PARD3B: variants seen among roughly 807,000 people sequenced by gnomAD.
The protein encoded by PARD3B is partitioning defective 3 homolog B.
Under a neutral mutation model 130.2 loss-of-function variants are expected in PARD3B, and 103 were observed. That is an observed-to-expected ratio of 0.79 (90% CI 0.67 to 0.93). PARD3B has a LOEUF of 0.93. Ranked by LOEUF, PARD3B falls within the 40% of genes least tolerant of loss-of-function variation. The pLI is 0.00. For missense variants in PARD3B, 1,609 were observed against 1,499.2 expected (o/e 1.07, Z -1.21); for synonymous variants, 583 against 553.2 (o/e 1.05, Z -0.76).
At chr2:205,150,191 C>T (rs2033645395) in intron 10 of PARD3B, among the ~76,000 whole-genome samples, 1 of 150,768 alleles carries the variant, frequency 6.6e-6, no homozygotes, top group South Asian at 2.1e-4. Context: ...CAAGATTTCC[C>T]TTACTACGCC....
intron 10 of PARD3B, among the ~76,000 whole-genome samples, chr2:205,135,016 G>C (rs2032356505): frequency 6.6e-6 from 1 of 151,806 alleles, no homozygotes; most frequent in South Asian, 2.1e-4. Flanking sequence ...AGAGCTATGA[G>C]ATTTGGCCTC....
intron 3 of PARD3B, among the ~76,000 whole-genome samples, chr2:205,031,998 A>G (rs1459454423): frequency 6.6e-6 from 1 of 152,172 alleles, no homozygotes. Context: ...ATGTCTTCCC[A>G]GTATTAGTGA....
At position 205,590,789 on chromosome 2, in the gene PARD3B, G is replaced by A. The variant is rs951514808; in HGVS notation, c.3261-24667G>A. Among the ~76,000 whole-genome samples, 3 of 152,096 alleles carry A rather than the reference G, an allele frequency of 2.0e-5. No homozygotes were observed. Among genetic ancestry groups the A allele is most frequent in the Non-Finnish European group, 4.4e-5 (3 of 68,030 alleles). On this transcript the variant is annotated intron_variant, in intron 22 of 22. Transcript: ENST00000406610. The surrounding 1 kb of genome is among the most constrained non-coding windows in gnomAD (Gnocchi z 4.1). ...GTTGCCACATATTCACAAGAAGTAG[G>A]ATGAGTACCAAATCCCTAAAAAATG...
At chr2:204,992,988 T>C (rs2125247445) in intron 3 of PARD3B, among the ~76,000 whole-genome samples, 2 of 105,754 alleles carry the variant, frequency 1.9e-5, no homozygotes, top group African/African-American at 7.3e-5. Flanking sequence ...GCTGAGACGA[T>C]GGGGTTTTCT....
At position 205,230,385 on chromosome 2, in the gene PARD3B, C is replaced by T. The variant is rs2125892058; in HGVS notation, c.2141-15393C>T. 6.6e-6 allele frequency among the ~76,000 whole-genome samples: 1 copy of T among 152,298 alleles called. No homozygotes were observed. Among genetic ancestry groups the T allele is most frequent in the African/African-American group, 2.4e-5 (1 of 41,586 alleles). ...CAGGTCTGGGTTCTCCCCTTCAAAG[C>T]TGCGAGTTTCCTTCTGGCAGAGTGT... is the stretch of plus-strand genomic sequence containing the variant. On this transcript the variant is annotated intron_variant, in intron 15 of 22. Transcript: ENST00000406610. This position sits in a 1 kb window ranked among gnomAD's most constrained non-coding sequence, Gnocchi z 4.1.
Position 204,822,413 on chromosome 2 carries a change from C to T in PARD3B, c.222+136131C>T, listed in dbSNP as rs529185097. Among the ~76,000 whole-genome samples, 62 of 152,212 alleles carry T rather than the reference C, an allele frequency of 4.1e-4. 1 individual carries two copies. Among genetic ancestry groups the T allele is most frequent in the African/African-American group, 1.2e-3 (50 of 41,524 alleles). ...GCTATGAACATTGTTGAAATGACAA[C>T]GCAGGATTTAGAATATTTCATAAAC... On this transcript the variant is annotated intron_variant, in intron 2 of 22. Coordinates refer to ENST00000406610, the MANE Select transcript of PARD3B (RefSeq NM_001302769.2).
intron 1 of PARD3B, among the ~76,000 whole-genome samples, chr2:204,667,657 T>C (rs1224457875): frequency 6.6e-6 from 1 of 152,198 alleles, no homozygotes; most frequent in Non-Finnish European, 1.5e-5. Flanking sequence ...TTTGTGTGCA[T>C]GTGAATGTGT....
intron 3 of PARD3B, among the ~76,000 whole-genome samples, chr2:204,990,827 A>G (rs1014765914): frequency 3.3e-5 from 5 of 152,194 alleles, no homozygotes; most frequent in Admixed American, 3.3e-4. Context: ...TACTTTATAT[A>G]AAAGTTTCAT....
intron 2 of PARD3B, among the ~76,000 whole-genome samples, chr2:204,716,233 G>A (rs1049161400): frequency 6.6e-6 from 1 of 152,030 alleles, no homozygotes; most frequent in Non-Finnish European, 1.5e-5. Context: ...CATCTGGTAT[G>A]GAGTTAACAG....
chr2:205,399,600 C>G (rs2046172255), intron 18 of PARD3B, among the ~76,000 whole-genome samples: 1 of 152,160 alleles, frequency 6.6e-6, no homozygotes, highest in Non-Finnish European at 1.5e-5. Context: ...GGTGATCCAC[C>G]TGCCTTGGCC....
intron 15 of PARD3B, among the ~76,000 whole-genome samples, chr2:205,217,248 G>A (rs2037963249): frequency 6.6e-6 from 1 of 152,216 alleles, no homozygotes; most frequent in Admixed American, 6.5e-5. Context: ...CACCCAGTGT[G>A]TCTGTAAGTT....
intron 16 of PARD3B, among the ~76,000 whole-genome samples, chr2:205,257,600 A>G (rs1014828745): frequency 1.3e-5 from 2 of 152,180 alleles, no homozygotes; most frequent in African/African-American, 2.4e-5. Context: ...TTGAAAAATT[A>G]TATATTTAAA....
intron 1 of PARD3B, among the ~76,000 whole-genome samples, chr2:204,570,642 G>A (rs926257829): frequency 3.3e-5 from 5 of 152,212 alleles, no homozygotes; most frequent in African/African-American, 1.2e-4. Context: ...TTGACCAGGG[G>A]CAGAGTTTAC....
At chr2:204,942,538 T>C (rs1688982371) in intron 2 of PARD3B, among the ~76,000 whole-genome samples, 1 of 152,004 alleles carries the variant, frequency 6.6e-6, no homozygotes, top group African/African-American at 2.4e-5. Context: ...AAGAGAGAAG[T>C]AGAGTGAGAG....
At chr2:205,027,724 T>G (rs1697135868) in intron 3 of PARD3B, among the ~76,000 whole-genome samples, 1 of 152,176 alleles carries the variant, frequency 6.6e-6, no homozygotes, top group South Asian at 2.1e-4. Flanking sequence ...TTAGTCTTTT[T>G]TGAGTTAATT....
chr2:205,302,048 T>C (rs1209768082), intron 18 of PARD3B: 1 of 491,416 alleles, frequency 2.0e-6, no homozygotes, highest in Non-Finnish European at 3.5e-6. Context: ...CCCTATTCTT[T>C]TTTTCTTTTT....
chr2:205,187,127 T>C lies in PARD3B; in HGVS notation c.2024+1264T>C, dbSNP rs1240656607. On this transcript the variant is annotated intron_variant, in intron 14 of 22. Coordinates refer to ENST00000406610, the MANE Select transcript of PARD3B (RefSeq NM_001302769.2). This position sits in a 1 kb window ranked among gnomAD's most constrained non-coding sequence, Gnocchi z 4.9. ...TCTGAGCATCTGAGGCAGAGGAGAATGCCTCCAGATAAAGGAATCAGGGAA... is the reference window on the plus strand; with the variant it reads ...TCTGAGCATCTGAGGCAGAGGAGAACGCCTCCAGATAAAGGAATCAGGGAA... Among the ~76,000 whole-genome samples the C allele has an allele frequency of 6.6e-6, 1 of 152,124 alleles. No homozygotes were observed. The highest frequency in any genetic ancestry group is 1.5e-5 in the Non-Finnish European group (1 of 68,032).
chr2:204,752,416 G>T lies in PARD3B; in HGVS notation c.222+66134G>T, dbSNP rs116307111. Among the ~76,000 whole-genome samples the T allele has an allele frequency of 3.1e-3, 477 of 152,242 alleles. 1 individual carries two copies. The highest frequency in any genetic ancestry group is 6.8e-3 in the Middle Eastern group (2 of 294). Reference sequence around the variant, plus strand: ...CTGCAGCTGTTTAGCCATTGATTCAGCATCATACAAGCACACATCTAATGA... The same window carrying T: ...CTGCAGCTGTTTAGCCATTGATTCATCATCATACAAGCACACATCTAATGA... On this transcript the variant is annotated intron_variant, in intron 2 of 22. Coordinates refer to ENST00000406610, the MANE Select transcript of PARD3B (RefSeq NM_001302769.2).
chr2:204,900,692 T>C (rs2046823147), intron 2 of PARD3B, among the ~76,000 whole-genome samples: 1 of 152,202 alleles, frequency 6.6e-6, no homozygotes, highest in Non-Finnish European at 1.5e-5. Flanking sequence ...ATGTTTGTCA[T>C]TGTCTGGGCA....
Sources: gnomAD v4.1 joint callset for allele counts (sites outside exome capture counted in the v4.1 genomes callset) on GRCh38, gnomAD v4.1.1 for gene constraint, Gnocchi (gnomAD v3.1) non-coding constraint, MANE v1.5 for transcripts, NCBI Gene and HGNC (gene_info 2026-07-23, HGNC 2026-07-21) for gene names.